RPGRIP1L: variants seen among roughly 807,000 people sequenced by gnomAD.
RPGRIP1L encodes RPGRIP1 like, also known as protein fantom.
In RPGRIP1L, 131 loss-of-function variants were observed where a neutral mutation model predicts 160.4. That is an observed-to-expected ratio of 0.82 (90% confidence interval 0.71 to 0.94). The LOEUF (loss-of-function observed/expected upper bound fraction) is 0.94, where lower values mean the gene tolerates loss of function less well. Ranked by LOEUF, RPGRIP1L falls within the 40% of genes least tolerant of loss-of-function variation. The probability of loss-of-function intolerance (pLI) is 0.00; values close to 1 mark genes in which losing one functional copy is unlikely to be tolerated. For missense variants in RPGRIP1L, 1,522 were observed against 1,535.8 expected, an observed-to-expected ratio of 0.99 and a Z score of 0.15; for synonymous variants, 510 against 515.8, an observed-to-expected ratio of 0.99 and a Z score of 0.15.
chr16:53,663,120 G>A (rs1251693266), intron 10 of RPGRIP1L, among the ~76,000 whole-genome samples: 5 of 151,752 alleles, frequency 3.3e-5, no homozygotes, highest in African/African-American at 4.8e-5. Flanking sequence ...TATTTTGTGG[G>A]TTGTGGGATT....
chr16:53,686,161 C>T (rs1969995020), intron 6 of RPGRIP1L, among the ~76,000 whole-genome samples: 1 of 152,168 alleles, frequency 6.6e-6, no homozygotes, highest in South Asian at 2.1e-4. Flanking sequence ...TTCCTGCAAT[C>T]TTGGCAAATG....
intron 22 of RPGRIP1L, among the ~76,000 whole-genome samples, chr16:53,631,106 T>C (rs1356004532): frequency 6.6e-6 from 1 of 152,230 alleles, no homozygotes; most frequent in Non-Finnish European, 1.5e-5. Flanking sequence ...GAGTGGCTTA[T>C]TTTATCCACT....
At chr16:53,625,904 G>A (rs1357331087) in intron 22 of RPGRIP1L, among the ~76,000 whole-genome samples, 3 of 151,934 alleles carry the variant, frequency 2.0e-5, no homozygotes, top group African/African-American at 7.2e-5. Flanking sequence ...GATTAAGGGC[G>A]GTGCAAGATG....
At chr16:53,602,377 G>A (rs555621757) in intron 26 of RPGRIP1L, among the ~76,000 whole-genome samples, 189 bp from the exon 27 acceptor site, 3 of 152,236 alleles carry the variant, frequency 2.0e-5, no homozygotes, top group Admixed American at 6.5e-5. Flanking sequence ...GAGACGTACC[G>A]CATGGACCTG....
At position 53,641,241 on chromosome 16, in the gene RPGRIP1L, A is replaced by G. The variant is rs1966198081; in HGVS notation, c.2874+44T>C. The G allele has an allele frequency of 4.4e-6, 7 of 1,587,070 alleles. 1 individual carries two copies. In the East Asian group the frequency reaches 1.6e-4, roughly 36 times the overall value. On this transcript the variant is annotated intron_variant, in intron 18 of 26. Coordinates refer to ENST00000647211, the MANE Select transcript of RPGRIP1L (RefSeq NM_015272.5). The stretch of plus-strand genomic sequence containing the variant: ...AGCTTAGTTCTTAAGCTTTATATTC[A>G]AAATTTTATACTTGTAAAAAAATTA...
intron 14 of RPGRIP1L, among the ~76,000 whole-genome samples, chr16:53,654,315 T>G (rs1381477843): frequency 6.6e-6 from 1 of 152,166 alleles, no homozygotes; most frequent in Non-Finnish European, 1.5e-5. Flanking sequence ...TTCTCCTCCT[T>G]TTTTTGACTT....
At chr16:53,682,730 T>C (rs1220790081) in intron 6 of RPGRIP1L, among the ~76,000 whole-genome samples, 2 of 152,198 alleles carry the variant, frequency 1.3e-5, no homozygotes, top group Non-Finnish European at 2.9e-5. Context: ...AAGATCACCA[T>C]ATTCAGTGTT....
chr16:53,617,109 A>C (rs920269093), intron 24 of RPGRIP1L, among the ~76,000 whole-genome samples: 3 of 150,758 alleles, frequency 2.0e-5, no homozygotes, highest in African/African-American at 7.3e-5. Flanking sequence ...AGCACAACTA[A>C]CAAAACACCC....
intron 24 of RPGRIP1L, 65 bp downstream of exon 24, chr16:53,618,960 T>C: frequency 7.7e-7 from 1 of 1,295,254 alleles, no homozygotes; most frequent in Non-Finnish European, 1.1e-6. Context: ...CTCTGTTCTT[T>C]CCACTTCTTT....
chr16:53,700,772 T>C (rs951507829), intron 1 of RPGRIP1L, 42 bp from the exon 2 acceptor site: 10 of 1,444,812 alleles, frequency 6.9e-6, no homozygotes, highest in Middle Eastern at 1.7e-4. Flanking sequence ...TTCCAAATTA[T>C]TACATTAACT....
chr16:53,700,815 G>A, intron 1 of RPGRIP1L, 85 bp from the exon 2 acceptor site: 1 of 1,033,246 alleles, frequency 9.7e-7, no homozygotes, highest in Non-Finnish European at 1.5e-6. Context: ...AAACGAAAAA[G>A]GGACTAGAAC....
At chr16:53,622,667 A>C (rs1964809120) in intron 22 of RPGRIP1L, among the ~76,000 whole-genome samples, 1 of 151,988 alleles carries the variant, frequency 6.6e-6, no homozygotes, top group African/African-American at 2.4e-5. Context: ...CATGCTTGTA[A>C]ATTCCAGCAC....
At chr16:53,699,773 G>A (rs915468201) in intron 2 of RPGRIP1L, among the ~76,000 whole-genome samples, 10 of 144,746 alleles carry the variant, frequency 6.9e-5, no homozygotes, top group African/African-American at 1.3e-4. Context: ...AGCGGAGGTC[G>A]CGCCACTGCA....
chr16:53,622,414 G>A, intron 22 of RPGRIP1L, 58 bp from the exon 23 acceptor site: 1 of 560,788 alleles, frequency 1.8e-6, no homozygotes, highest in South Asian at 2.4e-5. Flanking sequence ...ATGCATAATA[G>A]ACAACTTCAT....
At chr16:53,657,425 A>G in intron 13 of RPGRIP1L, 28 bp downstream of exon 13, 1 of 1,467,956 alleles carries the variant, frequency 6.8e-7, no homozygotes, top group Non-Finnish European at 9.5e-7. Flanking sequence ...TAGAAAACTT[A>G]CTTTCCCCAT....
intron 14 of RPGRIP1L, among the ~76,000 whole-genome samples, chr16:53,654,404 CT>C (rs1967079450): frequency 1.3e-5 from 2 of 152,128 alleles, no homozygotes; most frequent in African/African-American, 4.8e-5. Context: ...GCATCTTTCC[CT>C]GCTTTACTTA....
rs771166557 is a variant in RPGRIP1L, at chr16:53,692,298, G to A, written c.297C>T (p.Pro99=). 1.2e-6 allele frequency: 2 copies of A among 1,613,986 alleles called. No homozygotes were observed. Among genetic ancestry groups the A allele is most frequent in the African/African-American group, 2.7e-5 (2 of 74,896 alleles). Residue 99 remains proline (P), a synonymous_variant, in exon 4 of 27, where the codon CCC becomes CCT. Transcript: ENST00000647211. The part of the protein sequence containing the change: ...KKRYERVGGG[P]KRLGRDVEME... ...TTTCCACATCTCGTCCCAGCCGCTT[G>A]GGGCCGCCACCAACCCGCTCATATC...
intron 9 of RPGRIP1L, among the ~76,000 whole-genome samples, chr16:53,671,039 G>A (rs921642527): frequency 6.6e-6 from 1 of 152,188 alleles, no homozygotes; most frequent in African/African-American, 2.4e-5. Context: ...TGAGGCTGCA[G>A]TGAGCCATGA....
At chr16:53,698,834 C>G (rs951276034) in intron 2 of RPGRIP1L, among the ~76,000 whole-genome samples, 2 of 147,266 alleles carry the variant, frequency 1.4e-5, no homozygotes, top group African/African-American at 5.1e-5. Context: ...GCCCGGCCGC[C>G]CCTACTGGGA....
Sources: allele counts gnomAD v4.1 joint callset (sites outside exome capture counted in the v4.1 genomes callset), GRCh38; gene constraint gnomAD v4.1.1; transcripts MANE v1.5; gene names NCBI Gene and HGNC (gene_info 2026-07-23, HGNC 2026-07-21).